Variants in IPCEF1 observed in about 807,000 individuals in gnomAD.
IPCEF1 encodes interactor protein for cytohesin exchange factors 1.
IPCEF1 carries 31 observed loss-of-function variants against 50.9 expected under a neutral mutation model. That is an observed-to-expected ratio of 0.61 (90% confidence interval 0.46 to 0.82). IPCEF1 has a LOEUF of 0.82. Among genes scored for constraint, IPCEF1 ranks in the 40% least tolerant of loss-of-function variants. The pLI is 0.00. For missense variants in IPCEF1, 458 were observed against 514.0 expected (o/e 0.89, Z 1.05); for synonymous variants, 181 against 192.0 (o/e 0.94, Z 0.47).
At chr6:154,270,885 A>T (rs1781885751) in intron 2 of IPCEF1, among the ~76,000 whole-genome samples, 1 of 152,132 alleles carries the variant, frequency 6.6e-6, no homozygotes, top group African/African-American at 2.4e-5. Context: ...CTGAGGTGGG[A>T]GGATGGCTTG....
At chr6:154,268,923 A>G (rs775188641) in intron 2 of IPCEF1, among the ~76,000 whole-genome samples, 4 of 152,136 alleles carry the variant, frequency 2.6e-5, no homozygotes, top group Middle Eastern at 3.2e-3. Flanking sequence ...GGAGAGATCG[A>G]TCCCCTTTTA....
chr6:154,286,471 G>C (rs947598208), intron 2 of IPCEF1, among the ~76,000 whole-genome samples: 14 of 152,194 alleles, frequency 9.2e-5, no homozygotes, highest in Non-Finnish European at 2.1e-4. Flanking sequence ...TTGTTAACAT[G>C]CTTTTGCATC....
chr6:154,172,553 A>C (rs1352132010), intron 10 of IPCEF1, among the ~76,000 whole-genome samples: 1 of 152,192 alleles, frequency 6.6e-6, no homozygotes, highest in Non-Finnish European at 1.5e-5. Context: ...CAGCAGTCTG[A>C]GATTGTCCTG....
At chr6:154,225,717 C>T (rs1028612623) in intron 5 of IPCEF1, among the ~76,000 whole-genome samples, 1 of 152,186 alleles carries the variant, frequency 6.6e-6, no homozygotes, top group African/African-American at 2.4e-5. Context: ...CACTGAACTG[C>T]TCACTTTAAA....
At chr6:154,194,705 TA>T (rs1005496247) in intron 10 of IPCEF1, among the ~76,000 whole-genome samples, 1 of 152,186 alleles carries the variant, frequency 6.6e-6, no homozygotes, top group African/African-American at 2.4e-5. Flanking sequence ...AAAGGTAATG[TA>T]AAATCTAAGT....
intron 2 of IPCEF1, among the ~76,000 whole-genome samples, chr6:154,270,706 TG>T (rs1351391183): frequency 6.6e-6 from 1 of 152,240 alleles, no homozygotes; most frequent in Non-Finnish European, 1.5e-5. Flanking sequence ...CCAGGTACGG[TG>T]GCTCACGCCT....
chr6:154,229,012 A>G (rs868203635), intron 5 of IPCEF1, among the ~76,000 whole-genome samples: 22 of 152,210 alleles, frequency 1.4e-4, no homozygotes, highest in Non-Finnish European at 3.1e-4. Context: ...CCAGGATTCA[A>G]CTTAGGTGTG....
intron 1 of IPCEF1, among the ~76,000 whole-genome samples, chr6:154,333,569 T>TAC (rs1277965942): frequency 1.4e-3 from 213 of 151,322 alleles, no homozygotes; most frequent in African/African-American, 3.7e-3. Context: ...CATATATATA[T>TAC]ACACACACAC....
At chr6:154,209,610 C>T (rs1271792046) in intron 9 of IPCEF1, among the ~76,000 whole-genome samples, 2 of 148,632 alleles carry the variant, frequency 1.3e-5, no homozygotes, top group African/African-American at 2.5e-5. Flanking sequence ...CGCCACTGCA[C>T]TCCAGCCTGT....
At chr6:154,195,660 C>G (rs1043787565) in intron 10 of IPCEF1, among the ~76,000 whole-genome samples, 1 of 152,166 alleles carries the variant, frequency 6.6e-6, no homozygotes, top group African/African-American at 2.4e-5. Context: ...TTAAACCTCT[C>G]TCTGGAGTGC....
At position 154,189,338 on chromosome 6, in the gene IPCEF1, T is replaced by G. The variant is rs1179216215; in HGVS notation, c.910+10330A>C. Among the ~76,000 whole-genome samples the G allele has an allele frequency of 5.3e-5, 8 of 152,324 alleles. No homozygotes were observed. In the East Asian group the frequency reaches 1.3e-3, roughly 26 times the overall value. ...ATAAAGCAATTTCATCTAGTAAAGTTGAAGATAGGCATACATCATGGCCAG... is the reference window on the plus strand; with the variant it reads ...ATAAAGCAATTTCATCTAGTAAAGTGGAAGATAGGCATACATCATGGCCAG... On this transcript the variant is annotated intron_variant, in intron 10 of 11. Transcript: ENST00000367220.
intron 1 of IPCEF1, among the ~76,000 whole-genome samples, chr6:154,322,165 C>G (rs574580109): frequency 1.1e-4 from 17 of 151,924 alleles, no homozygotes; most frequent in Non-Finnish European, 2.4e-4. Flanking sequence ...AAAAACTAAA[C>G]AAAAAACAAA....
intron 3 of IPCEF1, among the ~76,000 whole-genome samples, chr6:154,249,708 C>T (rs1338029537): frequency 6.6e-6 from 1 of 152,142 alleles, no homozygotes; most frequent in Non-Finnish European, 1.5e-5. Context: ...CAGTGAGTAT[C>T]CTCCACCCAT....
chr6:154,246,537 T>A, intron 5 of IPCEF1, 54 bp downstream of exon 5: 1 of 1,550,888 alleles, frequency 6.4e-7, no homozygotes. Context: ...CCTGATGCCT[T>A]TAACGTATCC....
chr6:154,345,081 G>A (rs1343747243), intron 1 of IPCEF1, among the ~76,000 whole-genome samples: 4 of 152,148 alleles, frequency 2.6e-5, no homozygotes, highest in Non-Finnish European at 5.9e-5. Context: ...TGTTGCCCAG[G>A]CTGGTCTCAA....
intron 9 of IPCEF1, among the ~76,000 whole-genome samples, chr6:154,209,637 G>A (rs1167554747): frequency 1.6e-5 from 2 of 121,674 alleles, no homozygotes; most frequent in Non-Finnish European, 3.5e-5. Context: ...GACTGAGACT[G>A]TGTCTCAAAA....
chr6:154,338,241 C>G (rs1216489468), intron 1 of IPCEF1, among the ~76,000 whole-genome samples: 1 of 152,212 alleles, frequency 6.6e-6, no homozygotes, highest in African/African-American at 2.4e-5. Flanking sequence ...TTATCACTTG[C>G]CTTTGATGCC....
chr6:154,299,846 T>C (rs1782748274), intron 1 of IPCEF1, among the ~76,000 whole-genome samples: 1 of 138,718 alleles, frequency 7.2e-6, no homozygotes, highest in East Asian at 2.0e-4. Flanking sequence ...TACCATAAAA[T>C]GTTTAAAAAA....
At chr6:154,282,177 A>AAAAT (rs1329215811) in intron 2 of IPCEF1, among the ~76,000 whole-genome samples, 3 of 152,278 alleles carry the variant, frequency 2.0e-5, no homozygotes, top group Non-Finnish European at 4.4e-5. Context: ...TCAAAATTAA[A>AAAAT]AAATAAATAA....
Sources: gnomAD v4.1 joint callset for allele counts (sites outside exome capture counted in the v4.1 genomes callset) on GRCh38, gnomAD v4.1.1 for gene constraint, MANE v1.5 for transcripts, NCBI Gene and HGNC (gene_info 2026-07-23, HGNC 2026-07-21) for gene names.